The following NLGN4X variants were observed in gnomAD, a reference collection of about 807,000 sequenced individuals.
NLGN4X encodes the protein neuroligin-4, X-linked.
Under a neutral mutation model 40.3 loss-of-function variants are expected in NLGN4X, and 3 were observed. The observed-to-expected ratio is 0.07, with a 90% CI of 0.03 to 0.19. NLGN4X has a LOEUF of 0.19. NLGN4X is among the 10% of genes least tolerant of loss of function. The pLI is 1.00. For synonymous variants in NLGN4X, 270 were observed against 306.8 expected (o/e 0.88, Z 1.25); for missense variants, 382 against 708.3 (o/e 0.54, Z 5.23).
intron 2 of NLGN4X, among the ~76,000 whole-genome samples, chrX:6,103,889 A>C (rs895585867): frequency 1.8e-5 from 2 of 112,589 alleles, no homozygotes; most frequent in African/African-American, 6.4e-5. Flanking sequence ...GAATTAGACC[A>C]TAACTTTGTG....
chrX:6,017,918 T>C (rs762519221), intron 3 of NLGN4X, among the ~76,000 whole-genome samples: 1 of 112,230 alleles, frequency 8.9e-6, no homozygotes, highest in African/African-American at 3.2e-5. Context: ...CAAGCTAAGC[T>C]ATGATGTTTG....
intron 3 of NLGN4X, among the ~76,000 whole-genome samples, chrX:6,012,891 A>C (rs1406623613): frequency 1.8e-5 from 2 of 111,615 alleles, no homozygotes; most frequent in Non-Finnish European, 1.9e-5. Flanking sequence ...AGAAAGAGTA[A>C]ATTTCTCTCT....
chrX:6,197,537 G>A (rs751474214), intron 1 of NLGN4X, among the ~76,000 whole-genome samples: 3 of 108,786 alleles, frequency 2.8e-5, no homozygotes, highest in Admixed American at 9.8e-5. Flanking sequence ...CTCCCAAAGT[G>A]CTGGGATTAC....
chrX:5,900,232 T>G (rs1394069129), intron 5 of NLGN4X, among the ~76,000 whole-genome samples: 1 of 112,289 alleles, frequency 8.9e-6, no homozygotes, highest in Non-Finnish European at 1.9e-5. Context: ...CAGATATGAC[T>G]ATTTATGTTA....
At chrX:6,140,475 C>G (rs374332032) in intron 2 of NLGN4X, among the ~76,000 whole-genome samples, 17,951 of 90,495 alleles carry the variant, frequency 0.2, 1,130 homozygotes, top group Middle Eastern at 0.25. Context: ...CACACACACA[C>G]ACACACACAC....
At chrX:6,058,112 A>C (rs1044872652) in intron 2 of NLGN4X, among the ~76,000 whole-genome samples, 4 of 111,544 alleles carry the variant, frequency 3.6e-5, no homozygotes, top group African/African-American at 1.3e-4. Context: ...TCATATGAAG[A>C]GAAAAAAAGG....
intron 3 of NLGN4X, among the ~76,000 whole-genome samples, chrX:5,917,454 C>G (rs758335690): frequency 8.9e-6 from 1 of 112,682 alleles, no homozygotes; most frequent in Non-Finnish European, 1.9e-5. Flanking sequence ...TGCTTGGTGA[C>G]TGCTTTTGGA....
At chrX:6,009,846 T>C (rs2036202687) in intron 3 of NLGN4X, among the ~76,000 whole-genome samples, 2 of 112,610 alleles carry the variant, frequency 1.8e-5, no homozygotes, top group Non-Finnish European at 3.7e-5. Context: ...GGCCCCTGTT[T>C]CAGCCAGATC....
intron 3 of NLGN4X, among the ~76,000 whole-genome samples, chrX:5,938,556 G>C (rs1287459765): frequency 1.8e-5 from 2 of 111,182 alleles, no homozygotes; most frequent in African/African-American, 6.5e-5. Context: ...TTCATATCCA[G>C]TCACTAGTTA....
chrX:5,910,988 T>C (rs760430089), intron 3 of NLGN4X, among the ~76,000 whole-genome samples: 1 of 111,503 alleles, frequency 9.0e-6, no homozygotes, highest in Non-Finnish European at 1.9e-5. Context: ...TAGTGCTTCA[T>C]GCCAAAAATG....
In NLGN4X at chrX:5,915,088, T is replaced by C. The variant is rs143843575; in HGVS notation, c.626-5849A>G. Among the ~76,000 whole-genome samples, 237 of 112,681 alleles carry C rather than the reference T, an allele frequency of 2.1e-3. 3 individuals carry two copies. Among genetic ancestry groups the C allele is most frequent in the African/African-American group, 7.3e-3 (227 of 31,082 alleles). On this transcript the variant is annotated intron_variant, in intron 3 of 5. Coordinates refer to ENST00000381095, the MANE Select transcript of NLGN4X (RefSeq NM_181332.3). The stretch of plus-strand genomic sequence containing the variant: ...GTGCCTTTTATTTTTAGTTTTTACT[T>C]AAAAATGGAATGAGTACTAGCAGAC...
intron 5 of NLGN4X, among the ~76,000 whole-genome samples, chrX:5,894,123 T>C (rs2031359458): frequency 8.9e-6 from 1 of 111,762 alleles, no homozygotes; most frequent in African/African-American, 3.3e-5. Context: ...AGGGTTGTTC[T>C]ATGAAGGGTG....
rs780302986 is a variant in NLGN4X, at chrX:5,903,211, A to G, written c.1467T>C (p.His489=). 5.8e-6 allele frequency: 7 copies of G among 1,212,098 alleles called. No homozygotes were observed. In the East Asian group the frequency reaches 2.1e-4, roughly 36 times the overall value. Residue 489 remains histidine, a synonymous_variant, in exon 5 of 6, where the codon CAT becomes CAC. Transcript: ENST00000381095. ...CGAAGACATAGGGGACCTCATCACC[A>G]TGGGCCGAATCTGCCCAGCTGGGCT... is the stretch of plus-strand genomic sequence containing the variant. ...EMKPSWADSA[H]GDEVPYVFGI...
At chrX:6,110,580 G>C (rs993205384) in intron 2 of NLGN4X, among the ~76,000 whole-genome samples, 2 of 111,857 alleles carry the variant, frequency 1.8e-5, no homozygotes, top group African/African-American at 6.5e-5. Flanking sequence ...AGGGGCTGTA[G>C]AGAGTTTCTT....
chrX:5,925,353 T>C (rs753713620), intron 3 of NLGN4X, among the ~76,000 whole-genome samples: 7 of 112,179 alleles, frequency 6.2e-5, no homozygotes, highest in African/African-American at 1.9e-4. Context: ...AGTGAAAATA[T>C]TGACACCCTC....
intron 1 of NLGN4X, among the ~76,000 whole-genome samples, chrX:6,186,237 A>G (rs1379786142): frequency 8.9e-6 from 1 of 112,185 alleles, no homozygotes; most frequent in Non-Finnish European, 1.9e-5. Flanking sequence ...TGGGGCAACC[A>G]TTCCACTCTG....
At chrX:5,899,412 G>T (rs1053441592) in intron 5 of NLGN4X, among the ~76,000 whole-genome samples, 3 of 111,739 alleles carry the variant, frequency 2.7e-5, no homozygotes, top group Admixed American at 9.5e-5. Flanking sequence ...GGGCCTTCAT[G>T]AAAGCTAGAA....
intron 2 of NLGN4X, among the ~76,000 whole-genome samples, chrX:6,031,367 T>C (rs189638588): frequency 5.1e-4 from 56 of 110,766 alleles, no homozygotes; most frequent in Non-Finnish European, 9.1e-4. Flanking sequence ...TGATCTCCTA[T>C]GGCCATCAGA....
At chrX:6,039,767 T>C (rs1433161497) in intron 2 of NLGN4X, among the ~76,000 whole-genome samples, 1 of 112,337 alleles carries the variant, frequency 8.9e-6, no homozygotes, top group African/African-American at 3.2e-5. Context: ...TAAATTCCCA[T>C]CTTGAATAGC....
Sources: gnomAD v4.1 joint callset for allele counts (sites outside exome capture counted in the v4.1 genomes callset) on GRCh38, gnomAD v4.1.1 for gene constraint, MANE v1.5 for transcripts, NCBI Gene and HGNC (gene_info 2026-07-23, HGNC 2026-07-21) for gene names.